Variants in DNAAF4 observed in about 807,000 individuals in gnomAD.
The protein encoded by DNAAF4 is dynein axonemal assembly factor 4, also known as dynein assembly factor 4, axonemal.
A neutral mutation model predicts 51.8 loss-of-function variants in DNAAF4; 43 were observed. The observed-to-expected ratio is 0.83, with a 90% CI of 0.65 to 1.07. DNAAF4 has a LOEUF of 1.07. Ranked by LOEUF, DNAAF4 falls within the 50% of genes least tolerant of loss-of-function variation. The pLI, the probability that DNAAF4 is intolerant of heterozygous loss-of-function variation, is 0.00. For missense variants in DNAAF4, 581 were observed against 493.0 expected (o/e 1.18, Z -1.69); for synonymous variants, 194 against 165.6 (o/e 1.17, Z -1.32).
Position 55,434,978 on chromosome 15 carries a change from A to T in DNAAF4, c.974T>A (p.Leu325Gln), listed in dbSNP as rs2057584320. ...LAIRLNNKMP[L>Q]LYLNRAACHL... ...GCAAGCAGCCCGGTTCAAATACAAT[A>T]GTGGCATCTTATTATTTAGTCTTAT... Residue 325 changes from leucine to glutamine, a missense_variant, in exon 8 of 10, where the codon CTA (leucine) becomes CAA (glutamine). By Grantham distance (113) the Leu-to-Gln change is moderately radical. Transcript: ENST00000321149. 6.2e-7 allele frequency: 1 copy of T among 1,613,346 alleles called. No individual in the cohort carries two copies. The highest frequency in any genetic ancestry group is 1.3e-5 in the African/African-American group (1 of 74,916).
chr15:55,457,251 C>A (rs2058033858), intron 5 of DNAAF4, among the ~76,000 whole-genome samples: 1 of 152,120 alleles, frequency 6.6e-6, no homozygotes, highest in African/African-American at 2.4e-5. Context: ...TTGGTGGCTG[C>A]CTGGGAGCTA....
At position 55,478,221 on chromosome 15, in the gene DNAAF4, A is replaced by T. The variant is rs150333368; in HGVS notation, c.406-11060T>A. Among the ~76,000 whole-genome samples the T allele has an allele frequency of 1.6e-3, 244 of 152,336 alleles. 1 individual carries two copies. Among genetic ancestry groups the T allele is most frequent in the African/African-American group, 5.7e-3 (239 of 41,574 alleles). On this transcript the variant is annotated intron_variant, in intron 4 of 9. Coordinates refer to ENST00000321149, the MANE Select transcript of DNAAF4 (RefSeq NM_130810.4). ...TGCAGGAAAGCCCTCCACTAGGACA[A>T]TGACTGTTATAGGAAATGAAGGAAA...
Position 55,470,847 on chromosome 15 carries a change from A to ATTTT in DNAAF4, c.406-3690_406-3687dup, listed in dbSNP as rs1169756178. On this transcript the variant is annotated intron_variant, in intron 4 of 9. Coordinates refer to ENST00000321149, the MANE Select transcript of DNAAF4 (RefSeq NM_130810.4). ...AGACATGAGCTACTATGCCTGGCGGATTTTTTTTTTTTTTTTTTTTTTGAG... is the reference window on the plus strand; with the variant it reads ...AGACATGAGCTACTATGCCTGGCGGATTTTTTTTTTTTTTTTTTTTTTTTTTGAG... Among the ~76,000 whole-genome samples the ATTTT allele has an allele frequency of 1.9e-4, 19 of 99,030 alleles. 1 individual carries two copies. The highest frequency in any genetic ancestry group is 7.3e-4 in the South Asian group (2 of 2,742). 65.0% of individuals were successfully genotyped at this position (99,030 alleles called of 152,430 possible).
At chr15:55,490,249 T>A (rs982899586) in intron 4 of DNAAF4, among the ~76,000 whole-genome samples, 1 of 150,742 alleles carries the variant, frequency 6.6e-6, no homozygotes, top group Non-Finnish European at 1.5e-5. Context: ...AGCAGTTGCC[T>A]AGGACTAAGT....
intron 5 of DNAAF4, among the ~76,000 whole-genome samples, chr15:55,452,284 A>G (rs2057947531): frequency 6.6e-6 from 1 of 150,730 alleles, no homozygotes; most frequent in African/African-American, 2.4e-5. Context: ...AAGGAAAAAA[A>G]GAAGGAAAAT....
chr15:55,490,172 CTGAGA>C (rs1221338244), intron 4 of DNAAF4, among the ~76,000 whole-genome samples: 12 of 151,968 alleles, frequency 7.9e-5, no homozygotes, highest in East Asian at 7.7e-4. Context: ...TGCGCTTGGC[CTGAGA>C]TAAGAATTTT....
chr15:55,500,927 G>T (rs1475340104), intron 1 of DNAAF4, among the ~76,000 whole-genome samples: 3 of 148,834 alleles, frequency 2.0e-5, no homozygotes, highest in African/African-American at 5.0e-5. Context: ...AGGAGGCAGA[G>T]GTTGCCATGA....
At chr15:55,429,558 C>T (rs2057466523), downstream of DNAAF4, among the ~76,000 whole-genome samples, 1 of 148,798 alleles carries the variant, frequency 6.7e-6, no homozygotes, top group Admixed American at 6.8e-5. Context: ...GTGGCTCACA[C>T]CTGTAATCCA....
Position 55,498,523 on chromosome 15 carries a change from T to C in DNAAF4, c.-194A>G. ...TCCAGGCGCCCAGACCAGAGAGTGATGCCGATTCTTGGGGTTACCTTACGA... is the reference window on the plus strand; with the variant it reads ...TCCAGGCGCCCAGACCAGAGAGTGACGCCGATTCTTGGGGTTACCTTACGA... On this transcript the variant is annotated 5_prime_UTR_variant, in exon 2 of 10. Coordinates refer to ENST00000321149, the MANE Select transcript of DNAAF4 (RefSeq NM_130810.4). 3 of 579,856 alleles carry C rather than the reference T, an allele frequency of 5.2e-6. No individual in the cohort carries two copies. Among genetic ancestry groups the C allele is most frequent in the Non-Finnish European group, 8.3e-6 (3 of 361,338 alleles). 35.9% of individuals were successfully genotyped at this position (579,856 alleles called of 1,614,324 possible). A position where few individuals can be genotyped will look rare whatever the true frequency, so the allele number is the denominator to read the frequency against.
intron 4 of DNAAF4, among the ~76,000 whole-genome samples, chr15:55,489,523 A>C (rs2058540312): frequency 6.6e-6 from 1 of 151,938 alleles, no homozygotes; most frequent in Admixed American, 6.6e-5. Flanking sequence ...AAAATATAAA[A>C]AATTAGCCAG....
intron 4 of DNAAF4, among the ~76,000 whole-genome samples, chr15:55,481,303 A>G (rs553116735): frequency 1.3e-5 from 2 of 152,316 alleles, no homozygotes; most frequent in African/African-American, 4.8e-5. Context: ...TGCTGCCCCA[A>G]AATTAGCTGA....
chr15:55,467,694 G>A (rs921178611), intron 4 of DNAAF4, among the ~76,000 whole-genome samples: 1 of 152,154 alleles, frequency 6.6e-6, no homozygotes, highest in African/African-American at 2.4e-5. Context: ...AAAGGAAATA[G>A]GAAGGATGAA....
chr15:55,498,098 T>G (rs1379101914), intron 2 of DNAAF4, 109 bp downstream of exon 2: 2 of 1,561,766 alleles, frequency 1.3e-6, no homozygotes, highest in Admixed American at 2.1e-5. Context: ...GATTAAAAAT[T>G]TAGGACGTTT....
At chr15:55,418,088 T>G in exon 8 of DNAAF4, 1 of 1,578,662 alleles carries the variant, frequency 6.3e-7, no homozygotes, top group East Asian at 2.2e-5. Flanking sequence ...TGGCTTAGCT[T>G]GGGCTCAGAG....
At chr15:55,464,775 C>T (rs1256707875) in intron 5 of DNAAF4, among the ~76,000 whole-genome samples, 4 of 152,122 alleles carry the variant, frequency 2.6e-5, no homozygotes, top group Admixed American at 2.0e-4. Flanking sequence ...CGAGACCAGC[C>T]TGACCAACAT....
exon 8 of DNAAF4, chr15:55,417,977 G>A (rs1262008009): frequency 3.0e-6 from 2 of 674,548 alleles, no homozygotes; most frequent in East Asian, 2.9e-5. Context: ...ACAAGGTAAT[G>A]TCATCAGTTA....
At chr15:55,475,625 A>G (rs1435354178) in intron 4 of DNAAF4, among the ~76,000 whole-genome samples, 1 of 152,202 alleles carries the variant, frequency 6.6e-6, no homozygotes, top group Non-Finnish European at 1.5e-5. Context: ...GCTCCAGTGA[A>G]CACTTCCTTT....
At chr15:55,497,199 A>G (rs1350301621) in intron 3 of DNAAF4, among the ~76,000 whole-genome samples, 2 of 152,112 alleles carry the variant, frequency 1.3e-5, no homozygotes, top group East Asian at 3.9e-4. Flanking sequence ...GCCCTCAAGC[A>G]CTAATATTAA....
intron 4 of DNAAF4, among the ~76,000 whole-genome samples, chr15:55,479,437 G>A (rs2058378833): frequency 6.6e-6 from 1 of 151,922 alleles, no homozygotes; most frequent in East Asian, 1.9e-4. Flanking sequence ...TGTCACCTCA[G>A]GACCACTGTG....
Sources: allele counts gnomAD v4.1 joint callset (sites outside exome capture counted in the v4.1 genomes callset), GRCh38; gene constraint gnomAD v4.1.1; transcripts MANE v1.5; gene names NCBI Gene and HGNC (gene_info 2026-07-23, HGNC 2026-07-21).